Variants in CCDC180 observed in about 807,000 individuals in gnomAD.
CCDC180 encodes coiled-coil domain-containing protein 180.
CCDC180 carries 154 observed loss-of-function variants against 209.2 expected under a neutral mutation model. That is an observed-to-expected ratio of 0.74 (90% CI 0.65 to 0.84). The LOEUF (loss-of-function observed/expected upper bound fraction) is 0.84. Among genes scored for constraint, CCDC180 ranks in the 40% least tolerant of loss-of-function variants. The pLI is 0.00. For synonymous variants in CCDC180, 778 were observed against 749.1 expected (o/e 1.04, Z -0.63); for missense variants, 1,874 against 1,997.3 (o/e 0.94, Z 1.18).
At chr9:97,309,331 C>T (rs1455366712) in intron 2 of CCDC180, 83 bp from the exon 3 acceptor site, 2 of 1,388,082 alleles carry the variant, frequency 1.4e-6, no homozygotes, top group Non-Finnish European at 2.0e-6. Context: ...GGATGTCTTT[C>T]TAGACAGCCA....
Position 97,375,473 on chromosome 9 carries a change from C to T in CCDC180, c.4726C>T (p.Pro1576Ser). 1 of 1,614,186 alleles carries T rather than the reference C, an allele frequency of 6.2e-7. No homozygotes were observed. The highest frequency in any genetic ancestry group is 8.5e-7 in the Non-Finnish European group (1 of 1,180,032). Residue 1576 changes from proline to serine, a missense_variant, in exon 36 of 37, where the codon CCC becomes TCC. Pro to Ser is a moderately conservative substitution (Grantham distance 74). Transcript: ENST00000529487. Reference sequence around the variant, plus strand: ...TTGTAGGAAGTGGCCAGGGATCAAACCCACCGAAGTCACCATCCAAAACAA... The same window carrying T: ...TTGTAGGAAGTGGCCAGGGATCAAATCCACCGAAGTCACCATCCAAAACAA... ...RGSRKWPGIKPTEVTIQNKIL... is the reference protein window; with the variant it reads ...RGSRKWPGIKSTEVTIQNKIL...
intron 11 of CCDC180, among the ~76,000 whole-genome samples, chr9:97,321,339 A>G (rs1228820724): frequency 6.6e-6 from 1 of 152,164 alleles, no homozygotes; most frequent in East Asian, 1.9e-4. Context: ...GATATGTAAA[A>G]AGTTTTTCAT....
chr9:97,328,170 C>G (rs1316672597), intron 16 of CCDC180, 24 bp downstream of exon 16: 12 of 1,608,880 alleles, frequency 7.5e-6, no homozygotes, highest in Non-Finnish European at 9.3e-6. Flanking sequence ...GATGATACAC[C>G]CAGCCACTCA....
chr9:97,372,692 T>G (rs1045851572), intron 34 of CCDC180: 1 of 152,030 alleles, frequency 6.6e-6, no homozygotes, highest in Non-Finnish European at 1.5e-5. Context: ...AAACCTCATC[T>G]CTACTAAAAA....
rs11794278 is a variant in CCDC180, at chr9:97,377,393, A to G, written c.*499A>G. 6.6e-6 allele frequency: 1 copy of G among 152,272 alleles called. No homozygotes were observed. Among genetic ancestry groups the G allele is most frequent in the African/African-American group, 2.4e-5 (1 of 41,314 alleles). 9.4% of individuals were successfully genotyped at this position (152,272 alleles called of 1,614,324 possible). On this transcript the variant is annotated 3_prime_UTR_variant, in exon 37 of 37. Coordinates refer to ENST00000529487, the MANE Select transcript of CCDC180 (RefSeq NM_020893.6). ...AGCAAATTGCAATATTTTGGAAAAA[A>G]AAAAATCTTCCAGGCTCCTTTAGTC...
chr9:97,312,300 C>G (rs764108089), intron 4 of CCDC180, 99 bp downstream of exon 4: 1 of 974,384 alleles, frequency 1.0e-6, no homozygotes, highest in Non-Finnish European at 1.6e-6. Flanking sequence ...TGAGGAAGGC[C>G]CTGAGCTCCC....
At chr9:97,370,833 G>A (rs866957210) in intron 33 of CCDC180, 55 bp downstream of exon 33, 3 of 1,562,110 alleles carry the variant, frequency 1.9e-6, no homozygotes, top group Non-Finnish European at 8.7e-7. Flanking sequence ...TAGCCCGATG[G>A]ACAGCCACTG....
intron 23 of CCDC180, 45 bp downstream of exon 23, chr9:97,354,758 C>G (rs1436729136): frequency 1.2e-6 from 2 of 1,612,218 alleles, no homozygotes; most frequent in Non-Finnish European, 1.7e-6. Flanking sequence ...TCCACAGTAT[C>G]CCTTGCTCAA....
intron 16 of CCDC180, among the ~76,000 whole-genome samples, chr9:97,328,550 T>C (rs1825628942): frequency 6.6e-6 from 1 of 152,026 alleles, no homozygotes; most frequent in East Asian, 1.9e-4. Context: ...GGCCCCACTC[T>C]CTCTGCTTCC....
intron 28 of CCDC180, among the ~76,000 whole-genome samples, chr9:97,363,075 C>T (rs964345411): frequency 6.6e-6 from 1 of 152,206 alleles, no homozygotes; most frequent in African/African-American, 2.4e-5. Context: ...CCAGGGCAGG[C>T]AGAGGAGTGG....
intron 27 of CCDC180, 99 bp downstream of exon 27, chr9:97,361,997 C>A (rs1418934992): frequency 1.4e-6 from 2 of 1,421,196 alleles, no homozygotes; most frequent in South Asian, 2.7e-5. Flanking sequence ...GGGGTTCCCA[C>A]GTGAGTCCAC....
At chr9:97,367,003 T>G (rs1182171901) in intron 31 of CCDC180, among the ~76,000 whole-genome samples, 4 of 152,218 alleles carry the variant, frequency 2.6e-5, no homozygotes, top group Non-Finnish European at 5.9e-5. Flanking sequence ...ACCATAAAAT[T>G]TACACATGTA....
intron 36 of CCDC180, 55 bp downstream of exon 36, chr9:97,375,644 T>C (rs1827233269): frequency 6.2e-7 from 1 of 1,607,412 alleles, no homozygotes; most frequent in East Asian, 2.2e-5. Context: ...GTCGGCTGCC[T>C]TGGGAAGGGG....
intron 30 of CCDC180, among the ~76,000 whole-genome samples, chr9:97,365,951 T>G (rs577216794): frequency 6.6e-6 from 1 of 152,326 alleles, no homozygotes; most frequent in East Asian, 1.9e-4. Flanking sequence ...CAAACATTTC[T>G]TAGATATCAA....
chr9:97,332,797 T>C (rs1300730459), intron 18 of CCDC180, among the ~76,000 whole-genome samples: 1 of 152,162 alleles, frequency 6.6e-6, no homozygotes, highest in Non-Finnish European at 1.5e-5. Flanking sequence ...GTTTTCTAGC[T>C]ATAGAATGTC....
intron 18 of CCDC180, among the ~76,000 whole-genome samples, chr9:97,338,320 C>T (rs1422038467): frequency 6.6e-6 from 1 of 152,212 alleles, no homozygotes; most frequent in Non-Finnish European, 1.5e-5. Flanking sequence ...TTTCCCTCTA[C>T]ACGCTGCTTT....
chr9:97,347,547 T>C, intron 20 of CCDC180, 58 bp downstream of exon 20: 2 of 1,477,320 alleles, frequency 1.4e-6, no homozygotes, highest in Non-Finnish European at 9.1e-7. Flanking sequence ...CAGCGTCTGC[T>C]CCACCGCGGC....
At chr9:97,363,914 A>G in intron 28 of CCDC180, 137 bp from the exon 29 acceptor site, 1 of 735,394 alleles carries the variant, frequency 1.4e-6, no homozygotes, top group Non-Finnish European at 2.4e-6. Context: ...CCAAAGGGCT[A>G]GGCCCTAGAA....
At chr9:97,313,406 A>T (rs745744645) in intron 5 of CCDC180, 61 bp downstream of exon 5, 2 of 1,254,994 alleles carry the variant, frequency 1.6e-6, no homozygotes, top group Non-Finnish European at 2.3e-6. Flanking sequence ...TGGGTGTGTC[A>T]TGGCTCCCAG....
Sources: allele counts gnomAD v4.1 joint callset (sites outside exome capture counted in the v4.1 genomes callset), GRCh38; gene constraint gnomAD v4.1.1; transcripts MANE v1.5; gene names NCBI Gene and HGNC (gene_info 2026-07-23, HGNC 2026-07-21).